CNBD1: variants seen among roughly 807,000 people sequenced by gnomAD.
CNBD1 encodes the protein cyclic nucleotide binding domain containing 1, also known as cyclic nucleotide-binding domain-containing protein 1.
Under a neutral mutation model 54.4 loss-of-function variants are expected in CNBD1, and 71 were observed. The ratio of observed to expected loss-of-function variants is 1.30; its 90% CI spans 1.08 to 1.59. The LOEUF (loss-of-function observed/expected upper bound fraction) is 1.59. Among genes scored for constraint, CNBD1 ranks in the 40% most tolerant of loss-of-function variants. CNBD1 has a pLI of 0.00. For missense variants in CNBD1, 659 were observed against 518.0 expected, an observed-to-expected ratio of 1.27 and a Z score of -2.64; for synonymous variants, 182 against 170.7, an observed-to-expected ratio of 1.07 and a Z score of -0.51.
In CNBD1 at chr8:87,041,800, A is replaced by G. The variant is rs571328296; in HGVS notation, c.431+102046A>G. On this transcript the variant is annotated intron_variant, in intron 4 of 10. Transcript: ENST00000518476. ...AGCGACAGAGCAAGACTCCGTCTCA[A>G]AAAAAATAAGAAAACCATCTATGGG... Among the ~76,000 whole-genome samples, 428 of 152,236 alleles carry G rather than the reference A, an allele frequency of 2.8e-3. 1 individual carries two copies. The highest frequency in any genetic ancestry group is 4.6e-3 in the Non-Finnish European group (313 of 68,008).
At chr8:87,269,413 T>C (rs555607595) in intron 6 of CNBD1, among the ~76,000 whole-genome samples, 3 of 152,304 alleles carry the variant, frequency 2.0e-5, no homozygotes, top group South Asian at 2.1e-4. Flanking sequence ...AGCTATTTTT[T>C]GGTTCCATAT....
At chr8:87,055,829 C>T (rs544127056) in intron 4 of CNBD1, among the ~76,000 whole-genome samples, 15 of 148,606 alleles carry the variant, frequency 1.0e-4, no homozygotes, top group African/African-American at 3.5e-4. Context: ...TCCTTCCCTC[C>T]CTCTCTCTTT....
intron 4 of CNBD1, among the ~76,000 whole-genome samples, chr8:87,108,256 T>C (rs1211544809): frequency 6.6e-6 from 1 of 152,188 alleles, no homozygotes; most frequent in Non-Finnish European, 1.5e-5. Context: ...TTGAATATTC[T>C]TAAAGTGAAA....
At chr8:87,244,219 TG>T (rs1202758653) in intron 6 of CNBD1, among the ~76,000 whole-genome samples, 1 of 152,126 alleles carries the variant, frequency 6.6e-6, no homozygotes, top group Non-Finnish European at 1.5e-5. Flanking sequence ...TCCAGGTCAC[TG>T]GTAGGTGAGG....
chr8:87,355,524 TATAA>T (rs538033072), intron 10 of CNBD1, among the ~76,000 whole-genome samples: 271 of 152,214 alleles, frequency 1.8e-3, no homozygotes, highest in Non-Finnish European at 3.4e-3. Context: ...CTCCAAATAC[TATAA>T]ATACTCAAAT....
At chr8:87,034,386 A>C (rs73275717) in intron 4 of CNBD1, among the ~76,000 whole-genome samples, 4,573 of 152,296 alleles carry the variant, frequency 0.03, 237 homozygotes, top group African/African-American at 0.1. Flanking sequence ...CAATGGTTAG[A>C]ATCACCTGGT....
chr8:87,371,254 T>A (rs547806335), intron 10 of CNBD1, among the ~76,000 whole-genome samples: 10,588 of 151,532 alleles, frequency 0.07, 405 homozygotes, highest in Non-Finnish European at 0.076. Flanking sequence ...GTTTTTTCCA[T>A]TTCTGTGAGG....
At chr8:86,874,652 G>A (rs1408137228) in intron 1 of CNBD1, among the ~76,000 whole-genome samples, 1 of 151,938 alleles carries the variant, frequency 6.6e-6, no homozygotes, top group Admixed American at 6.6e-5. Context: ...TAGGAACTCT[G>A]GGGTTTCTAT....
chr8:87,158,054 A>G (rs563745797), intron 4 of CNBD1, among the ~76,000 whole-genome samples: 11 of 152,284 alleles, frequency 7.2e-5, no homozygotes, highest in African/African-American at 2.4e-4. Context: ...AATGTTTAGT[A>G]TATATTCATG....
chr8:87,276,838 G>A (rs1273111340), intron 6 of CNBD1, among the ~76,000 whole-genome samples: 1 of 136,680 alleles, frequency 7.3e-6, no homozygotes, highest in Non-Finnish European at 1.6e-5. Context: ...AAATAAATGA[G>A]CAGAAAATAG....
At chr8:87,425,644 CA>C (rs1341393806) in intron 2 of CNBD1, among the ~76,000 whole-genome samples, 8 of 152,136 alleles carry the variant, frequency 5.3e-5, no homozygotes, top group Admixed American at 5.2e-4. Context: ...GGTCAGGGGT[CA>C]GGGACCCACT....
rs534715639 is a variant in CNBD1, at chr8:87,118,117, C to T, written c.432-87876C>T. On this transcript the variant is annotated intron_variant, in intron 4 of 10. Transcript: ENST00000518476. ...GATCATGAGGTCAGGAGATTGAGACCAGCCTGGCCAACATGGTGAAACCCC... is the reference window on the plus strand; with the variant it reads ...GATCATGAGGTCAGGAGATTGAGACTAGCCTGGCCAACATGGTGAAACCCC... Among the ~76,000 whole-genome samples, 181 of 152,028 alleles carry T rather than the reference C, an allele frequency of 1.2e-3. 1 individual carries two copies. Among genetic ancestry groups the T allele is most frequent in the African/African-American group, 4.2e-3 (174 of 41,474 alleles).
intron 4 of CNBD1, among the ~76,000 whole-genome samples, chr8:87,081,939 T>C (rs530862872): frequency 4.6e-4 from 70 of 152,330 alleles, no homozygotes; most frequent in Non-Finnish European, 1.8e-4. Flanking sequence ...AGTTTGTTTA[T>C]TCCTCCTTGC....
chr8:87,283,917 T>C (rs1190542010), intron 6 of CNBD1, among the ~76,000 whole-genome samples: 2 of 152,090 alleles, frequency 1.3e-5, no homozygotes, highest in Non-Finnish European at 2.9e-5. Context: ...ATTTCCTCTA[T>C]ATATTTGGAC....
chr8:87,160,600 G>T (rs1812836042), intron 4 of CNBD1, among the ~76,000 whole-genome samples: 1 of 152,004 alleles, frequency 6.6e-6, no homozygotes, highest in South Asian at 2.1e-4. Context: ...TTCATAATCT[G>T]CTTTAAAGAT....
intron 5 of CNBD1, among the ~76,000 whole-genome samples, chr8:87,227,118 T>C (rs542627858): frequency 2.0e-5 from 3 of 152,276 alleles, no homozygotes; most frequent in African/African-American, 7.2e-5. Context: ...TCCTTTTATT[T>C]TGAGCCCATG....
intron 8 of CNBD1, among the ~76,000 whole-genome samples, chr8:87,342,753 G>A (rs113317216): frequency 0.019 from 2,833 of 152,198 alleles, 88 homozygotes; most frequent in African/African-American, 0.062. Context: ...CACGAACAGG[G>A]AGTAGGTCAC....
At chr8:87,399,368 C>G (rs1017484866) in intron 2 of CNBD1, among the ~76,000 whole-genome samples, 1 of 151,988 alleles carries the variant, frequency 6.6e-6, no homozygotes, top group African/African-American at 2.4e-5. Flanking sequence ...TTTCCTGAGT[C>G]TTTTCTCTGT....
chr8:86,979,675 A>C (rs1480002247), intron 4 of CNBD1, among the ~76,000 whole-genome samples: 1 of 152,212 alleles, frequency 6.6e-6, no homozygotes, highest in Admixed American at 6.5e-5. Context: ...ATTACAGACA[A>C]ATTAGCTGTT....
Sources: gnomAD v4.1 joint callset for allele counts (sites outside exome capture counted in the v4.1 genomes callset) on GRCh38, gnomAD v4.1.1 for gene constraint, MANE v1.5 for transcripts, NCBI Gene and HGNC (gene_info 2026-07-23, HGNC 2026-07-21) for gene names.